Variants in KDM1A observed in about 807,000 individuals in gnomAD.
KDM1A encodes lysine-specific histone demethylase 1A.
In KDM1A, 49 loss-of-function variants were observed where a neutral mutation model predicts 109.4. The ratio of observed to expected loss-of-function variants is 0.45; its 90% confidence interval spans 0.36 to 0.57. KDM1A has a LOEUF of 0.57. Among genes scored for constraint, KDM1A ranks in the 20% least tolerant of loss-of-function variants. The probability of loss-of-function intolerance (pLI) is 0.00; values close to 1 mark genes in which losing one functional copy is unlikely to be tolerated. For missense variants in KDM1A, 668 were observed against 1,116.6 expected (o/e 0.60, Z 5.73); for synonymous variants, 380 against 415.4 (o/e 0.91, Z 1.04).
rs1038202155 is a variant in KDM1A at position 23,073,492 on chromosome 1, C to T, written c.1734+89C>T. The T allele has an allele frequency of 1.4e-5, 11 of 758,782 alleles. No individual in the cohort carries two copies. The East Asian group carries it at 2.5e-4, about 17-fold the overall frequency. 47.0% of individuals were successfully genotyped at this position (758,782 alleles called of 1,614,324 possible). A position where few individuals can be genotyped will look rare whatever the true frequency, so the allele number is the denominator to read the frequency against. On this transcript the variant is annotated intron_variant, in intron 15 of 20. Transcript: ENST00000400181. ...TTAATTTTGTATGTGTGTTTTTAAA[C>T]AGCTTTAGTAAGAGACATCATTTAC...
chr1:23,059,973 G>A (rs1249128957), intron 9 of KDM1A, among the ~76,000 whole-genome samples: 1 of 152,112 alleles, frequency 6.6e-6, no homozygotes, highest in East Asian at 1.9e-4. Flanking sequence ...TGTGTGATAT[G>A]TCTCAAGGAA....
intron 4 of KDM1A, among the ~76,000 whole-genome samples, chr1:23,052,473 T>C (rs2124458811): frequency 6.6e-6 from 1 of 152,348 alleles, no homozygotes; most frequent in Non-Finnish European, 1.5e-5. Context: ...TTTATTTACA[T>C]ATAGCCAAAT....
Position 23,083,157 on chromosome 1 carries a change from TTC to T in KDM1A, c.2446-18_2446-17del, listed in dbSNP as rs1643671927. The T allele has an allele frequency of 1.9e-6, 3 of 1,597,612 alleles. No individual in the cohort carries two copies. The highest frequency in any genetic ancestry group is 1.3e-5 in the African/African-American group (1 of 74,548). On this transcript the variant is annotated intron_variant, in intron 20 of 20. Coordinates refer to ENST00000400181, the MANE Select transcript of KDM1A (RefSeq NM_001009999.3). The stretch of plus-strand genomic sequence containing the variant: ...AAGGTATATGTGCAGCCTGCCAATT[TTC>T]TCTTTTTCCCCTAAAATAGCCGATT...
At chr1:23,030,066 T>C (rs1353862552) in intron 1 of KDM1A, among the ~76,000 whole-genome samples, 1 of 152,260 alleles carries the variant, frequency 6.6e-6, no homozygotes, top group Non-Finnish European at 1.5e-5. Context: ...GGAGTAGTAG[T>C]TAGAAGCACA....
At position 23,020,105 on chromosome 1, in the gene KDM1A, G is replaced by T. The variant is rs548297982; in HGVS notation, c.351+158G>T. The T allele has an allele frequency of 2.5e-5, 20 of 803,422 alleles. No individual in the cohort carries two copies. The South Asian group carries it at 2.7e-4, about 11-fold the overall frequency. 49.8% of individuals were successfully genotyped at this position (803,422 alleles called of 1,614,324 possible). ...CCACGTCCCCTCTAGCTGGACGGGT[G>T]GGGTGAGAAAGGAAAAGTCTTTGCC... On this transcript the variant is annotated intron_variant, in intron 1 of 20. Transcript: ENST00000400181.
intron 19 of KDM1A, chr1:23,081,862 C>A: frequency 2.1e-5 from 9 of 436,214 alleles, no homozygotes; most frequent in South Asian, 1.6e-4. Context: ...TGAGTATCTC[C>A]GGGAAGTTTT....
intron 3 of KDM1A, among the ~76,000 whole-genome samples, chr1:23,045,663 T>C (rs1382162048): frequency 6.6e-6 from 1 of 152,034 alleles, no homozygotes; most frequent in Non-Finnish European, 1.5e-5. Context: ...TTCTTGTTTT[T>C]TGTTTCTGTT....
At chr1:23,080,012 CCT>C (rs1355988059) in intron 18 of KDM1A, among the ~76,000 whole-genome samples, 1 of 152,148 alleles carries the variant, frequency 6.6e-6, no homozygotes, top group Admixed American at 6.5e-5. Flanking sequence ...CTGACTTGCC[CCT>C]GATTCTTTGA....
In KDM1A at chr1:23,039,758, T is replaced by C. The variant is rs548295822; in HGVS notation, c.518-4669T>C. ...TATCCAGATCTCTCGGGAATTGTTC[T>C]GAAAGCTTCCCTGATTCTCCAAGAC... On this transcript the variant is annotated intron_variant, in intron 2 of 20. Transcript: ENST00000400181. Among the ~76,000 whole-genome samples the C allele has an allele frequency of 1.3e-4, 20 of 152,380 alleles. 1 individual carries two copies. The East Asian group carries it at 2.1e-3, about 16-fold the overall frequency.
Position 23,079,434 on chromosome 1 carries a change from A to AATT in KDM1A, c.2056-117_2056-116insTAT. 1 of 799,106 alleles carries AATT rather than the reference A, an allele frequency of 1.3e-6. No homozygotes were observed. The highest frequency in any genetic ancestry group is 2.0e-6 in the Non-Finnish European group (1 of 493,662). The allele number at this position is 799,106 out of a possible 1,614,324, so 49.5% of individuals were successfully genotyped here. A position where few individuals can be genotyped will look rare whatever the true frequency, so the allele number is the denominator to read the frequency against. On this transcript the variant is annotated intron_variant, in intron 17 of 20. Transcript: ENST00000400181. The surrounding 1 kb of genome is among the most constrained non-coding windows in gnomAD (Gnocchi z 5.6). ...AAAGGGGATCGTAAATGTCATCCTA[A>AATT]ATAATAAGGATTGCTGGGCTTATTT...
At chr1:23,021,614 C>G (rs577830079) in intron 1 of KDM1A, among the ~76,000 whole-genome samples, 1 of 152,102 alleles carries the variant, frequency 6.6e-6, no homozygotes, top group Non-Finnish European at 1.5e-5. Flanking sequence ...GCAGTGAGCC[C>G]AGATCGTGCC....
At chr1:23,069,563 G>A (rs761741730) in intron 12 of KDM1A, among the ~76,000 whole-genome samples, 11 of 152,154 alleles carry the variant, frequency 7.2e-5, no homozygotes, top group Non-Finnish European at 1.5e-4. Context: ...GTGTTGGGCC[G>A]CATTCAAAAC....
At chr1:23,067,835 GGT>G (rs1056163125) in intron 10 of KDM1A, among the ~76,000 whole-genome samples, 1 of 152,140 alleles carries the variant, frequency 6.6e-6, no homozygotes, top group Non-Finnish European at 1.5e-5. Context: ...TTAGGATCAT[GGT>G]CTTCCAGCTT....
At chr1:23,057,107 G>A (rs1379268293) in intron 7 of KDM1A, among the ~76,000 whole-genome samples, 1 of 152,106 alleles carries the variant, frequency 6.6e-6, no homozygotes, top group Non-Finnish European at 1.5e-5. Context: ...TTTAAATAGT[G>A]TTGGGATTTG....
chr1:23,077,166 C>T (rs1325977273), intron 15 of KDM1A, 62 bp from the exon 16 acceptor site: 28 of 1,518,900 alleles, frequency 1.8e-5, no homozygotes, highest in Non-Finnish European at 2.3e-5. Context: ...TTGTACAGAA[C>T]TAGGTGCAAA....
At chr1:23,071,954 CA>C (rs1467240699) in intron 13 of KDM1A, among the ~76,000 whole-genome samples, 169 bp from the exon 14 acceptor site, 2 of 152,020 alleles carry the variant, frequency 1.3e-5, no homozygotes, top group Non-Finnish European at 2.9e-5. Flanking sequence ...AACTTGTCTC[CA>C]AAAACAAAAA....
chr1:23,034,270 G>A (rs1225935676), intron 2 of KDM1A, among the ~76,000 whole-genome samples: 1 of 151,936 alleles, frequency 6.6e-6, no homozygotes, highest in East Asian at 1.9e-4. Flanking sequence ...ACACATGATG[G>A]TTTTATTTGG....
At chr1:23,064,767 A>G (rs939702713) in intron 9 of KDM1A, among the ~76,000 whole-genome samples, 1 of 152,230 alleles carries the variant, frequency 6.6e-6, no homozygotes, top group Non-Finnish European at 1.5e-5. Context: ...ATTTAGAGAC[A>G]GTCCATATAA....
intron 7 of KDM1A, 118 bp downstream of exon 7, chr1:23,056,156 C>CCTG: frequency 1.5e-6 from 1 of 658,450 alleles, no homozygotes; most frequent in South Asian, 2.2e-5. Flanking sequence ...TTGTATAATA[C>CCTG]TCAGAGTATT....
Sources: gnomAD v4.1 joint callset for allele counts (sites outside exome capture counted in the v4.1 genomes callset) on GRCh38, gnomAD v4.1.1 for gene constraint, Gnocchi (gnomAD v3.1) non-coding constraint, MANE v1.5 for transcripts, NCBI Gene and HGNC (gene_info 2026-07-23, HGNC 2026-07-21) for gene names.